Variants in BCAS3 observed in about 807,000 individuals in gnomAD.
The protein encoded by BCAS3 is BCAS3 microtubule associated cell migration factor, also known as BCAS4/BCAS3 fusion.
A neutral mutation model predicts 116.1 loss-of-function variants in BCAS3; 53 were observed. That is an observed-to-expected ratio of 0.46 (90% confidence interval 0.37 to 0.57). BCAS3 has a LOEUF of 0.57. Among genes scored for constraint, BCAS3 ranks in the 20% least tolerant of loss-of-function variants. BCAS3 has a pLI of 0.00. For missense variants in BCAS3, 917 were observed against 1,165.4 expected (o/e 0.79, Z 3.10); for synonymous variants, 391 against 408.2 (o/e 0.96, Z 0.51).
chr17:60,820,119 G>A (rs1359486327), intron 7 of BCAS3, among the ~76,000 whole-genome samples: 1 of 151,028 alleles, frequency 6.6e-6, no homozygotes, highest in East Asian at 1.9e-4. Context: ...TGCCCAGGCT[G>A]GAGTGCAGTC....
At chr17:60,863,686 A>G (rs2054350689) in intron 7 of BCAS3, among the ~76,000 whole-genome samples, 1 of 152,188 alleles carries the variant, frequency 6.6e-6, no homozygotes, top group South Asian at 2.1e-4. Context: ...ATCAGGAATT[A>G]GAGGCTACAG....
chr17:61,385,471 G>T (rs981128960), intron 23 of BCAS3, among the ~76,000 whole-genome samples: 1 of 152,212 alleles, frequency 6.6e-6, no homozygotes, highest in Admixed American at 6.5e-5. Flanking sequence ...GTGACCCGCT[G>T]GTCTCCTCTT....
chr17:60,940,039 A>G (rs933749172), intron 13 of BCAS3, among the ~76,000 whole-genome samples: 1 of 152,228 alleles, frequency 6.6e-6, no homozygotes, highest in Non-Finnish European at 1.5e-5. Context: ...TTCAAAGAGA[A>G]AGAAAATAAT....
intron 19 of BCAS3, among the ~76,000 whole-genome samples, chr17:61,045,859 ATATATAAATATATATAAATATATAT>A (rs2068028157): frequency 2.5e-3 from 4 of 1,626 alleles, no homozygotes; most frequent in Admixed American, 9.3e-3. Context: ...CTATATATAT[ATATATAAATATATATAAATATATAT>A]TATATATATA....
Position 61,181,232 on chromosome 17 carries a change from G to A in BCAS3, c.2425+96668G>A, listed in dbSNP as rs1455954545. On this transcript the variant is annotated intron_variant, in intron 22 of 23. Coordinates refer to ENST00000407086, the MANE Select transcript of BCAS3 (RefSeq NM_017679.5). The surrounding 1 kb of genome is among the most constrained non-coding windows in gnomAD (Gnocchi z 5.0). ...AAACAAACAGTTTAATTAATTAATT[G>A]GTATGACTGGTGAGGAACAAGATGA... is the stretch of plus-strand genomic sequence containing the variant. 1.3e-5 allele frequency among the ~76,000 whole-genome samples: 2 copies of A among 152,078 alleles called. No homozygotes were observed. Among genetic ancestry groups the A allele is most frequent in the Non-Finnish European group, 2.9e-5 (2 of 68,006 alleles).
chr17:60,855,105 A>G (rs2053553428), intron 7 of BCAS3, among the ~76,000 whole-genome samples: 1 of 151,482 alleles, frequency 6.6e-6, no homozygotes, highest in Non-Finnish European at 1.5e-5. Context: ...GCATGCCACC[A>G]CGCCTGGCTA....
chr17:61,213,689 T>C lies in BCAS3; in HGVS notation c.2425+129125T>C, dbSNP rs78737231. On this transcript the variant is annotated intron_variant, in intron 22 of 23. Transcript: ENST00000407086. This position sits in a 1 kb window ranked among gnomAD's most constrained non-coding sequence, Gnocchi z 5.4. ...TGTTTTTTTAAGTAGTGAAAGAAGGTTGGAGGAGGACTGTACAGATGGATA... is the reference window on the plus strand; with the variant it reads ...TGTTTTTTTAAGTAGTGAAAGAAGGCTGGAGGAGGACTGTACAGATGGATA... 2.2e-4 allele frequency among the ~76,000 whole-genome samples: 33 copies of C among 152,070 alleles called. 1 individual carries two copies. The East Asian group carries it at 6.4e-3, about 29-fold the overall frequency.
At chr17:61,345,891 G>A (rs2057477075) in intron 22 of BCAS3, among the ~76,000 whole-genome samples, 2 of 152,162 alleles carry the variant, frequency 1.3e-5, no homozygotes, top group African/African-American at 4.8e-5. Context: ...CAAATAGGAA[G>A]TTTTATGATG....
Position 61,200,946 on chromosome 17 carries a change from T to C in BCAS3, c.2425+116382T>C, listed in dbSNP as rs1329513599. Among the ~76,000 whole-genome samples the C allele has an allele frequency of 1.3e-5, 2 of 152,162 alleles. No homozygotes were observed. The highest frequency in any genetic ancestry group is 2.9e-5 in the Non-Finnish European group (2 of 68,022). On this transcript the variant is annotated intron_variant, in intron 22 of 23. Transcript: ENST00000407086. The surrounding 1 kb of genome is among the most constrained non-coding windows in gnomAD (Gnocchi z 5.1). ...GCAGCCCTGAGTCAGGACAGGTGTT[T>C]ATTTTTAATTCATACTCAGAAAGCA...
chr17:60,808,046 TTGGTGTTTGTA>T lies in BCAS3; in HGVS notation c.447_457del (p.Gly150GlufsTer31). 6.2e-7 allele frequency: 1 copy of T among 1,609,252 alleles called. No homozygotes were observed. The highest frequency in any genetic ancestry group is 8.5e-7 in the Non-Finnish European group (1 of 1,177,352). On this transcript the variant is annotated frameshift_variant, in exon 7 of 24. Coordinates refer to ENST00000407086, the MANE Select transcript of BCAS3 (RefSeq NM_017679.5). LOFTEE classifies it high-confidence loss of function. ...AACTTTGCTGAAAAAAGACCCCTCC[TTGGTGTTTGTA>T]AGAGCATTGGATCTTCTGGGTAAGG...
At chr17:60,775,228 G>T (rs2045158463) in intron 6 of BCAS3, among the ~76,000 whole-genome samples, 1 of 152,064 alleles carries the variant, frequency 6.6e-6, no homozygotes, top group African/African-American at 2.4e-5. Flanking sequence ...TTTCTCTCGG[G>T]TGCTAGATGC....
At chr17:60,820,205 C>G (rs1362371990) in intron 7 of BCAS3, among the ~76,000 whole-genome samples, 3 of 152,004 alleles carry the variant, frequency 2.0e-5, no homozygotes, top group African/African-American at 2.4e-5. Flanking sequence ...GTAGCTGGGA[C>G]TACAGGCACC....
At chr17:61,024,255 G>A (rs569606001) in intron 16 of BCAS3, among the ~76,000 whole-genome samples, 2 of 152,304 alleles carry the variant, frequency 1.3e-5, no homozygotes, top group African/African-American at 2.4e-5. Flanking sequence ...ATTCTTTGGA[G>A]TTTGTGGATC....
At position 61,026,869 on chromosome 17, in the gene BCAS3, T is replaced by G; in HGVS notation, c.1638-7797T>G. 2 of 1,598,062 alleles carry G rather than the reference T, an allele frequency of 1.3e-6. No homozygotes were observed. The highest frequency in any genetic ancestry group is 4.5e-5 in the East Asian group (2 of 44,504). On this transcript the variant is annotated intron_variant, in intron 16 of 23. Coordinates refer to ENST00000407086, the MANE Select transcript of BCAS3 (RefSeq NM_017679.5). This position sits in a 1 kb window ranked among gnomAD's most constrained non-coding sequence, Gnocchi z 5.0. The stretch of plus-strand genomic sequence containing the variant: ...TTTTTCCCCCTTTTCCATGAAGGCC[T>G]TATCTCTTTGGAGCGGGGTGTTTTT...
At chr17:60,801,539 A>G (rs1332511623) in intron 6 of BCAS3, among the ~76,000 whole-genome samples, 3 of 152,026 alleles carry the variant, frequency 2.0e-5, no homozygotes, top group Non-Finnish European at 2.9e-5. Flanking sequence ...GAAAAACAGT[A>G]GTGAGAGTGG....
At chr17:61,375,246 G>GTGTGTGTGTGCGCGCGCGCGCGCACA (rs150061118) in intron 23 of BCAS3, among the ~76,000 whole-genome samples, 66 of 150,782 alleles carry the variant, frequency 4.4e-4, no homozygotes, top group African/African-American at 1.5e-3. Context: ...GTGTGTGTGT[G>GTGTGTGTGTGCGCGCGCGCGCGCACA]TGTGTGTGTA....
intron 5 of BCAS3, among the ~76,000 whole-genome samples, chr17:60,726,381 G>A (rs905149647): frequency 6.8e-6 from 1 of 146,210 alleles, no homozygotes; most frequent in African/African-American, 2.5e-5. Flanking sequence ...TGTATTTTTA[G>A]TGGAGACAGG....
chr17:60,949,890 G>A (rs112945657), intron 14 of BCAS3, among the ~76,000 whole-genome samples: 39 of 152,158 alleles, frequency 2.6e-4, no homozygotes, highest in Non-Finnish European at 5.4e-4. Context: ...CTAAAATATG[G>A]GAAGTTCTAC....
chr17:60,990,327 C>A lies in BCAS3; in HGVS notation c.1486+92C>A. 1.5e-6 allele frequency: 2 copies of A among 1,350,332 alleles called. No homozygotes were observed. The highest frequency in any genetic ancestry group is 1.4e-5 in the South Asian group (1 of 71,250). The allele number at this position is 1,350,332 out of a possible 1,614,324, so 83.6% of individuals were successfully genotyped here. On this transcript the variant is annotated intron_variant, in intron 15 of 23. Coordinates refer to ENST00000407086, the MANE Select transcript of BCAS3 (RefSeq NM_017679.5). The surrounding 1 kb of genome is among the most constrained non-coding windows in gnomAD (Gnocchi z 5.1). ...GGGATAAAACTAAACTTGTTATAGTCTGTTCATGTAAAAAGAAGATCTTAG... is the reference window on the plus strand; with the variant it reads ...GGGATAAAACTAAACTTGTTATAGTATGTTCATGTAAAAAGAAGATCTTAG...
Sources: allele counts gnomAD v4.1 joint callset (sites outside exome capture counted in the v4.1 genomes callset), GRCh38; gene constraint gnomAD v4.1.1; non-coding constraint Gnocchi (gnomAD v3.1); transcripts MANE v1.5; gene names NCBI Gene and HGNC (gene_info 2026-07-23, HGNC 2026-07-21).